Variants in TAFA1 observed in about 807,000 individuals in gnomAD.
TAFA1 encodes chemokine-like protein TAFA-1.
A neutral mutation model predicts 18.5 loss-of-function variants in TAFA1; 4 were observed. The ratio of observed to expected loss-of-function variants is 0.22; its 90% CI spans 0.11 to 0.49. The LOEUF (loss-of-function observed/expected upper bound fraction) is 0.49. Among genes scored for constraint, TAFA1 ranks in the 20% least tolerant of loss-of-function variants. The pLI, the probability that TAFA1 is intolerant of heterozygous loss-of-function variation, is 0.98. For synonymous variants in TAFA1, 56 were observed against 55.2 expected (o/e 1.01, Z -0.06); for missense variants, 147 against 169.0 (o/e 0.87, Z 0.72).
chr3:68,332,902 G>T (rs7633182), intron 2 of TAFA1, among the ~76,000 whole-genome samples: 2,543 of 152,272 alleles, frequency 0.017, 93 homozygotes, highest in East Asian at 0.16. Flanking sequence ...ATGAAAATGT[G>T]TTCAACATTG....
intron 3 of TAFA1, among the ~76,000 whole-genome samples, chr3:68,434,575 T>C (rs2071236697): frequency 1.3e-5 from 2 of 152,078 alleles, no homozygotes. Flanking sequence ...AAGCAGAAAT[T>C]TGTTCTATCT....
At chr3:68,275,424 A>G (rs899160126) in intron 2 of TAFA1, among the ~76,000 whole-genome samples, 2 of 152,038 alleles carry the variant, frequency 1.3e-5, no homozygotes, top group African/African-American at 4.8e-5. Flanking sequence ...GAAAGGAGAA[A>G]GAAGGAAAGG....
At chr3:68,381,954 T>A (rs2069969355) in intron 2 of TAFA1, among the ~76,000 whole-genome samples, 1 of 152,232 alleles carries the variant, frequency 6.6e-6, no homozygotes, top group African/African-American at 2.4e-5. Flanking sequence ...CATCAATACC[T>A]AATTTATTGA....
intron 3 of TAFA1, among the ~76,000 whole-genome samples, chr3:68,472,419 T>C (rs1471415812): frequency 1.3e-5 from 2 of 152,066 alleles, no homozygotes; most frequent in Non-Finnish European, 2.9e-5. Context: ...CCTGTGTATG[T>C]CTTTATTAAC....
intron 2 of TAFA1, among the ~76,000 whole-genome samples, chr3:68,113,993 C>T (rs1559525388): frequency 6.7e-6 from 1 of 150,136 alleles, no homozygotes; most frequent in Non-Finnish European, 1.5e-5. Context: ...CAACCTCCGC[C>T]TCCTGGATTC....
At chr3:68,018,014 A>G (rs1472387665) in intron 2 of TAFA1, among the ~76,000 whole-genome samples, 1 of 152,232 alleles carries the variant, frequency 6.6e-6, no homozygotes, top group Non-Finnish European at 1.5e-5. Flanking sequence ...GGAACAGAAC[A>G]AGTAAAGACT....
chr3:68,014,719 A>C (rs1704536414), intron 2 of TAFA1, among the ~76,000 whole-genome samples: 1 of 152,238 alleles, frequency 6.6e-6, no homozygotes, highest in Non-Finnish European at 1.5e-5. Context: ...GTAAAAAAGC[A>C]TTCTGCTAAA....
At chr3:68,222,097 A>G (rs921146481) in intron 2 of TAFA1, among the ~76,000 whole-genome samples, 1 of 152,318 alleles carries the variant, frequency 6.6e-6, no homozygotes, top group Middle Eastern at 3.4e-3. Flanking sequence ...GGAGTAGAAG[A>G]GAAAGCCTTA....
chr3:68,082,453 T>G (rs968948134), intron 2 of TAFA1, among the ~76,000 whole-genome samples: 1 of 152,250 alleles, frequency 6.6e-6, no homozygotes, highest in Non-Finnish European at 1.5e-5. Flanking sequence ...TTTTGCTGTC[T>G]GATAGACATG....
At chr3:68,150,928 G>A (rs1051770403) in intron 2 of TAFA1, among the ~76,000 whole-genome samples, 3 of 151,998 alleles carry the variant, frequency 2.0e-5, no homozygotes, top group Admixed American at 6.6e-5. Flanking sequence ...CAGTCAATTT[G>A]TTGAGTCCTC....
At chr3:68,188,866 T>C (rs1421055077) in intron 2 of TAFA1, among the ~76,000 whole-genome samples, 2 of 151,856 alleles carry the variant, frequency 1.3e-5, no homozygotes, top group East Asian at 1.9e-4. Flanking sequence ...TTTTGTTCGT[T>C]TGTTTGTTTG....
At chr3:68,523,462 T>A (rs2073058175) in intron 3 of TAFA1, among the ~76,000 whole-genome samples, 1 of 152,190 alleles carries the variant, frequency 6.6e-6, no homozygotes, top group Admixed American at 6.5e-5. Context: ...TCAATTTGAC[T>A]GGAGAACAGG....
chr3:68,050,804 C>A (rs916102707), intron 2 of TAFA1, among the ~76,000 whole-genome samples: 1 of 152,106 alleles, frequency 6.6e-6, no homozygotes, highest in East Asian at 1.9e-4. Flanking sequence ...CTCAACTTAG[C>A]TTTTTAGTGT....
chr3:68,314,601 A>C (rs2068576366), intron 2 of TAFA1, among the ~76,000 whole-genome samples: 1 of 152,176 alleles, frequency 6.6e-6, no homozygotes, highest in South Asian at 2.1e-4. Flanking sequence ...ACGCAATATC[A>C]TGATTTGTGA....
chr3:68,544,308 G>A (rs111770136), intron 4 of TAFA1, among the ~76,000 whole-genome samples, 178 bp from the exon 5 acceptor site: 1 of 152,184 alleles, frequency 6.6e-6, no homozygotes, highest in African/African-American at 2.4e-5. Flanking sequence ...CTATCAATAT[G>A]ATTTGATCAC....
chr3:68,023,298 C>T (rs1559706383), intron 2 of TAFA1, among the ~76,000 whole-genome samples: 2 of 152,078 alleles, frequency 1.3e-5, no homozygotes, highest in African/African-American at 4.8e-5. Context: ...GGGCTGTGCT[C>T]TACATTGTCT....
At chr3:68,393,153 G>GA (rs1240507022) in intron 2 of TAFA1, among the ~76,000 whole-genome samples, 11 of 150,378 alleles carry the variant, frequency 7.3e-5, no homozygotes, top group Non-Finnish European at 1.3e-4. Context: ...CACACACAGA[G>GA]AAAAAAAAGA....
At chr3:68,097,806 A>G (rs1488191820) in intron 2 of TAFA1, among the ~76,000 whole-genome samples, 1 of 152,164 alleles carries the variant, frequency 6.6e-6, no homozygotes, top group African/African-American at 2.4e-5. Context: ...ATGGAAATGT[A>G]CAGTGCTGGA....
chr3:68,201,199 C>G (rs918819669), intron 2 of TAFA1, among the ~76,000 whole-genome samples: 38 of 151,624 alleles, frequency 2.5e-4, no homozygotes, highest in African/African-American at 8.9e-4. Context: ...AGTTATCTTT[C>G]TGTTATTGAA....
Sources: allele counts gnomAD v4.1 joint callset (sites outside exome capture counted in the v4.1 genomes callset), GRCh38; gene constraint gnomAD v4.1.1; transcripts MANE v1.5; gene names NCBI Gene and HGNC (gene_info 2026-07-23, HGNC 2026-07-21).